Variants in SOX5 observed in about 807,000 individuals in gnomAD.
SOX5 encodes the protein transcription factor SOX-5.
A neutral mutation model predicts 92.0 loss-of-function variants in SOX5; 9 were observed. That is an observed-to-expected ratio of 0.10 (90% CI 0.06 to 0.17). The LOEUF (loss-of-function observed/expected upper bound fraction) is 0.17, where lower values mean the gene tolerates loss of function less well. Ranked by LOEUF, SOX5 falls within the 10% of genes least tolerant of loss-of-function variation. The pLI, the probability that SOX5 is intolerant of heterozygous loss-of-function variation, is 1.00. For missense variants in SOX5, 642 were observed against 944.5 expected (o/e 0.68, Z 4.20); for synonymous variants, 344 against 336.3 (o/e 1.02, Z -0.25).
intron 6 of SOX5, among the ~76,000 whole-genome samples, chr12:23,715,742 G>A (rs1021322325): frequency 7.1e-6 from 1 of 141,344 alleles, no homozygotes; most frequent in Non-Finnish European, 1.5e-5. Flanking sequence ...AATATGAGTG[G>A]TAACACATGC....
intron 4 of SOX5, among the ~76,000 whole-genome samples, chr12:23,960,516 T>TATATATTTATATAC (rs1569274583): frequency 1.0e-4 from 8 of 78,888 alleles, no homozygotes; most frequent in South Asian, 9.9e-4. Context: ...TTTATATACA[T>TATATATTTATATAC]ATATATATAT....
At chr12:23,923,236 C>A (rs562384866) in intron 1 of SOX5, among the ~76,000 whole-genome samples, 41 of 152,130 alleles carry the variant, frequency 2.7e-4, no homozygotes, top group African/African-American at 9.6e-4. Context: ...CAGGCGTGAG[C>A]CTCCATGCCC....
chr12:23,972,887 C>A lies in SOX5; in HGVS notation c.-1-76863G>T, dbSNP rs913967442. Among the ~76,000 whole-genome samples the A allele has an allele frequency of 2.6e-5, 4 of 152,080 alleles. No homozygotes were observed. In the South Asian group the frequency reaches 8.3e-4, roughly 31 times the overall value. On this transcript the variant is annotated intron_variant, in intron 4 of 4. Transcript: ENST00000446891. ...ACACATTATTACTGTGACCACCATG[C>A]AGTGCAATAGATCACTAAAACTATT...
intron 2 of SOX5, among the ~76,000 whole-genome samples, chr12:24,293,870 A>G (rs556022386): frequency 4.1e-4 from 62 of 152,244 alleles, no homozygotes; most frequent in Non-Finnish European, 7.9e-4. Context: ...CAAATGGCAT[A>G]AAGTATCAAA....
chr12:24,278,156 G>T (rs190064196), intron 2 of SOX5, among the ~76,000 whole-genome samples: 200 of 152,204 alleles, frequency 1.3e-3, no homozygotes, highest in African/African-American at 4.6e-3. Context: ...TCTCTTGGGT[G>T]TTTATTTTTA....
At chr12:24,194,079 C>T (rs1184073278) in intron 4 of SOX5, among the ~76,000 whole-genome samples, 2 of 152,214 alleles carry the variant, frequency 1.3e-5, no homozygotes, top group Non-Finnish European at 2.9e-5. Flanking sequence ...TTCCATCTAA[C>T]CAGATAAGGA....
intron 4 of SOX5, among the ~76,000 whole-genome samples, chr12:24,036,888 G>A (rs550558066): frequency 1.3e-4 from 20 of 152,200 alleles, no homozygotes; most frequent in South Asian, 2.1e-4. Flanking sequence ...TCCTTTTATT[G>A]TATGTACAGA....
chr12:23,970,404 C>T (rs564160831), intron 4 of SOX5, among the ~76,000 whole-genome samples: 4 of 152,168 alleles, frequency 2.6e-5, no homozygotes, highest in Admixed American at 6.5e-5. Flanking sequence ...GAAACTTTTT[C>T]ATCGTCCCTA....
chr12:23,848,592 T>C (rs888542355), intron 2 of SOX5, among the ~76,000 whole-genome samples: 2 of 152,078 alleles, frequency 1.3e-5, no homozygotes, highest in African/African-American at 4.8e-5. Flanking sequence ...TGTTAAGGAG[T>C]GCTAGCACAG....
intron 4 of SOX5, among the ~76,000 whole-genome samples, chr12:23,957,246 C>A (rs1005259052): frequency 6.6e-6 from 1 of 152,068 alleles, no homozygotes; most frequent in Non-Finnish European, 1.5e-5. Flanking sequence ...TATATAAGTT[C>A]ATTTAAATTA....
chr12:23,872,433 A>C (rs2096885163), intron 2 of SOX5, among the ~76,000 whole-genome samples: 1 of 152,044 alleles, frequency 6.6e-6, no homozygotes, highest in Non-Finnish European at 1.5e-5. Flanking sequence ...CACACATGTC[A>C]CCAGACTGCT....
chr12:24,492,120 G>A (rs1184891911), intron 1 of SOX5, among the ~76,000 whole-genome samples: 2 of 152,134 alleles, frequency 1.3e-5, no homozygotes, highest in East Asian at 3.9e-4. Flanking sequence ...AAAGAGGAAG[G>A]AAGCATGGCC....
At chr12:24,275,449 T>C (rs1220995200) in intron 3 of SOX5, among the ~76,000 whole-genome samples, 2 of 152,086 alleles carry the variant, frequency 1.3e-5, no homozygotes, top group Non-Finnish European at 2.9e-5. Flanking sequence ...TGCATAATTT[T>C]ATGTCTTTTA....
intron 4 of SOX5, among the ~76,000 whole-genome samples, chr12:23,744,253 T>C (rs2093905740): frequency 6.6e-6 from 1 of 152,178 alleles, no homozygotes; most frequent in African/African-American, 2.4e-5. Flanking sequence ...AAGAACTATA[T>C]TTCAACAATG....
intron 4 of SOX5, among the ~76,000 whole-genome samples, chr12:24,047,510 C>T (rs1957165652): frequency 6.6e-6 from 1 of 152,156 alleles, no homozygotes; most frequent in African/African-American, 2.4e-5. Context: ...ATGCTGAAGT[C>T]AGAAGGAAAT....
intron 4 of SOX5, among the ~76,000 whole-genome samples, chr12:24,075,277 TAAA>T (rs59967372): frequency 0.031 from 2,380 of 75,738 alleles, 40 homozygotes; most frequent in Non-Finnish European, 0.042. Context: ...CTCAAATTAT[TAAA>T]AAAAAAAAAA....
intron 4 of SOX5, among the ~76,000 whole-genome samples, chr12:24,124,891 A>G (rs552926963): frequency 1.3e-5 from 2 of 152,336 alleles, no homozygotes; most frequent in East Asian, 3.9e-4. Context: ...ATTCGTGTGT[A>G]AAACAGGGTT....
chr12:23,712,122 G>A (rs1186573548), intron 6 of SOX5, among the ~76,000 whole-genome samples: 1 of 152,140 alleles, frequency 6.6e-6, no homozygotes, highest in Non-Finnish European at 1.5e-5. Flanking sequence ...TGAGAACCAT[G>A]TGAGAACAAT....
At chr12:24,360,822 AT>A (rs984853875) in intron 2 of SOX5, among the ~76,000 whole-genome samples, 3 of 152,174 alleles carry the variant, frequency 2.0e-5, no homozygotes, top group Non-Finnish European at 2.9e-5. Flanking sequence ...AATGGCATCC[AT>A]TTTCGCCTGA....
Sources: allele counts gnomAD v4.1 joint callset (sites outside exome capture counted in the v4.1 genomes callset), GRCh38; gene constraint gnomAD v4.1.1; transcripts MANE v1.5; gene names NCBI Gene and HGNC (gene_info 2026-07-23, HGNC 2026-07-21).